The following PCDH9 variants were observed in gnomAD, a reference collection of about 807,000 sequenced individuals.
PCDH9 encodes the protein protocadherin 9.
PCDH9 carries 24 observed loss-of-function variants against 70.6 expected under a neutral mutation model. The observed-to-expected ratio is 0.34, with a 90% CI of 0.25 to 0.48. The LOEUF (loss-of-function observed/expected upper bound fraction) is 0.48, where lower values mean the gene tolerates loss of function less well. PCDH9 is among the 20% of genes least tolerant of loss of function. The pLI is 0.99. For synonymous variants in PCDH9, 562 were observed against 558.5 expected (o/e 1.01, Z -0.09); for missense variants, 1,281 against 1,503.6 (o/e 0.85, Z 2.45).
At chr13:66,770,177 C>A (rs535423312) in intron 3 of PCDH9, among the ~76,000 whole-genome samples, 194 of 152,128 alleles carry the variant, frequency 1.3e-3, no homozygotes, top group Non-Finnish European at 2.5e-3. Context: ...AAAGATACTA[C>A]TTATATAATT....
chr13:66,987,411 G>C (rs930654319), intron 2 of PCDH9, among the ~76,000 whole-genome samples: 1 of 151,960 alleles, frequency 6.6e-6, no homozygotes, highest in Non-Finnish European at 1.5e-5. Context: ...ACATGCTGTT[G>C]ATACATTAAT....
chr13:66,893,516 T>C (rs989003802), intron 3 of PCDH9, among the ~76,000 whole-genome samples: 11 of 152,208 alleles, frequency 7.2e-5, no homozygotes, highest in African/African-American at 2.7e-4. Context: ...TAGGAGATTT[T>C]ACCTTTAGTT....
intron 4 of PCDH9, among the ~76,000 whole-genome samples, chr13:66,489,935 T>A (rs1253193826): frequency 1.3e-5 from 2 of 152,142 alleles, no homozygotes; most frequent in African/African-American, 4.8e-5. Flanking sequence ...ATTTTCTGAT[T>A]CCTCCTGATT....
intron 3 of PCDH9, among the ~76,000 whole-genome samples, chr13:66,762,827 T>C (rs559055635): frequency 9.2e-5 from 14 of 152,110 alleles, no homozygotes; most frequent in Admixed American, 2.0e-4. Context: ...GCTGATATTA[T>C]GTGAATATCC....
intron 4 of PCDH9, among the ~76,000 whole-genome samples, chr13:66,601,062 T>C (rs778067656): frequency 2.1e-5 from 3 of 145,136 alleles, no homozygotes; most frequent in Non-Finnish European, 4.6e-5. Flanking sequence ...AGTCAGGCTA[T>C]GAGAAAACAT....
intron 4 of PCDH9, among the ~76,000 whole-genome samples, chr13:66,455,882 T>C (rs746092579): frequency 1.3e-5 from 2 of 152,126 alleles, no homozygotes; most frequent in Non-Finnish European, 2.9e-5. Context: ...AAAGACCATG[T>C]TCAATATTTT....
rs575279059 is a variant in PCDH9, at chr13:66,421,411, T to C, written c.3341-116383A>G. 6.6e-5 allele frequency among the ~76,000 whole-genome samples: 10 copies of C among 152,272 alleles called. No homozygotes were observed. The South Asian group carries it at 8.3e-4, about 13-fold the overall frequency. On this transcript the variant is annotated intron_variant, in intron 4 of 4. Coordinates refer to ENST00000377865, the MANE Select transcript of PCDH9 (RefSeq NM_203487.3). ...AAGGTTGATATGAAGGAAAAAATGT[T>C]AAGGGCAGCTAGGGAAAAAGGTCTG...
intron 3 of PCDH9, among the ~76,000 whole-genome samples, chr13:66,898,935 T>A (rs2082230306): frequency 6.6e-6 from 1 of 151,916 alleles, no homozygotes; most frequent in African/African-American, 2.4e-5. Flanking sequence ...CATAACTTTA[T>A]CTTAATGTGG....
At chr13:66,932,433 T>A (rs979095706) in intron 2 of PCDH9, among the ~76,000 whole-genome samples, 2 of 151,948 alleles carry the variant, frequency 1.3e-5, no homozygotes, top group Admixed American at 1.3e-4. Flanking sequence ...TCAAATCAGA[T>A]GAATATTCAA....
chr13:67,154,595 AAT>A lies in PCDH9; in HGVS notation c.3036+70808_3036+70809del, dbSNP rs1264906888. Among the ~76,000 whole-genome samples, 112 of 88,994 alleles carry A rather than the reference AAT, an allele frequency of 1.3e-3. 10 individuals carry two copies. The highest frequency in any genetic ancestry group is 3.8e-3 in the African/African-American group (84 of 22,290). 58.4% of individuals were successfully genotyped at this position (88,994 alleles called of 152,430 possible). On this transcript the variant is annotated intron_variant, in intron 2 of 4. Transcript: ENST00000377865. ...TGTCTCAAAAAAAAAAAAAAAAAAA[AAT>A]ATATATATACACACACACACACACA...
chr13:66,930,048 C>T (rs2082781854), intron 2 of PCDH9, among the ~76,000 whole-genome samples: 1 of 152,136 alleles, frequency 6.6e-6, no homozygotes, highest in African/African-American at 2.4e-5. Context: ...CAGTATTCAT[C>T]TCATAAAATG....
At chr13:66,486,350 G>A (rs1268849974) in intron 4 of PCDH9, among the ~76,000 whole-genome samples, 1 of 152,124 alleles carries the variant, frequency 6.6e-6, no homozygotes, top group Non-Finnish European at 1.5e-5. Flanking sequence ...GGGAGTGGGG[G>A]TGGTGCTGAA....
intron 3 of PCDH9, among the ~76,000 whole-genome samples, chr13:66,776,307 G>C (rs1422379895): frequency 2.0e-5 from 3 of 150,208 alleles, no homozygotes; most frequent in Non-Finnish European, 4.4e-5. Context: ...GGAAATAAAG[G>C]GTATTCAATT....
At chr13:66,990,783 G>A (rs1475772882) in intron 2 of PCDH9, 1 of 151,502 alleles carries the variant, frequency 6.6e-6, no homozygotes, top group African/African-American at 2.4e-5. Flanking sequence ...TACTTAATTT[G>A]ATGTAATCAT....
intron 2 of PCDH9, among the ~76,000 whole-genome samples, chr13:66,917,824 A>G (rs574070695): frequency 6.6e-6 from 1 of 151,528 alleles, no homozygotes; most frequent in East Asian, 1.9e-4. Context: ...ATGATAAACT[A>G]TTAAGGACAG....
At chr13:66,771,632 G>A (rs1009088370) in intron 3 of PCDH9, among the ~76,000 whole-genome samples, 2 of 152,196 alleles carry the variant, frequency 1.3e-5, no homozygotes, top group Admixed American at 1.3e-4. Context: ...CCTGCGGTGA[G>A]GTAAGGAGGC....
chr13:66,394,950 T>C (rs2138278183), intron 4 of PCDH9, among the ~76,000 whole-genome samples: 1 of 152,322 alleles, frequency 6.6e-6, no homozygotes, highest in East Asian at 1.9e-4. Context: ...AGTATATATA[T>C]TTTAAGTAAT....
chr13:66,969,182 T>C (rs1361343434), intron 2 of PCDH9, among the ~76,000 whole-genome samples: 2 of 151,988 alleles, frequency 1.3e-5, no homozygotes, highest in Non-Finnish European at 2.9e-5. Flanking sequence ...CGCTTAGTGA[T>C]TTGATTTTTG....
chr13:66,532,196 G>A (rs557149938), intron 4 of PCDH9, among the ~76,000 whole-genome samples: 2 of 151,694 alleles, frequency 1.3e-5, no homozygotes, highest in Admixed American at 6.6e-5. Context: ...TAGAGACAGG[G>A]TCTCACTATA....
Sources: gnomAD v4.1 joint callset for allele counts (sites outside exome capture counted in the v4.1 genomes callset) on GRCh38, gnomAD v4.1.1 for gene constraint, MANE v1.5 for transcripts, NCBI Gene and HGNC (gene_info 2026-07-23, HGNC 2026-07-21) for gene names.